FRMD4B: variants seen among roughly 807,000 people sequenced by gnomAD.
FRMD4B encodes the protein FERM domain-containing protein 4B.
A neutral mutation model predicts 141.5 loss-of-function variants in FRMD4B; 74 were observed. The observed-to-expected ratio is 0.52, with a 90% CI of 0.43 to 0.63. FRMD4B has a LOEUF of 0.63. Among genes scored for constraint, FRMD4B ranks in the 30% least tolerant of loss-of-function variants. FRMD4B has a pLI of 0.00. For synonymous variants in FRMD4B, 506 were observed against 467.9 expected (o/e 1.08, Z -1.05); for missense variants, 1,366 against 1,253.4 (o/e 1.09, Z -1.36).
At chr3:69,458,998 C>T (rs1427748068) in intron 1 of FRMD4B, among the ~76,000 whole-genome samples, 2 of 152,148 alleles carry the variant, frequency 1.3e-5, no homozygotes, top group Non-Finnish European at 2.9e-5. Flanking sequence ...AGAATCTGAT[C>T]CTTACAAACC....
intron 5 of FRMD4B, among the ~76,000 whole-genome samples, chr3:69,276,057 A>G (rs561477198): frequency 1.3e-5 from 2 of 152,324 alleles, no homozygotes; most frequent in East Asian, 3.9e-4. Context: ...AAGGAAGGCT[A>G]GCCTATTCTT....
intron 1 of FRMD4B, among the ~76,000 whole-genome samples, chr3:69,462,186 G>A (rs1390446608): frequency 6.6e-6 from 1 of 152,178 alleles, no homozygotes; most frequent in East Asian, 1.9e-4. Flanking sequence ...TTCGTGAACA[G>A]TAACCAGAGC....
chr3:69,176,533 G>T lies in FRMD4B; in HGVS notation c.2975C>A (p.Ser992Tyr). 6.2e-7 allele frequency: 1 copy of T among 1,611,726 alleles called. No homozygotes were observed. Among genetic ancestry groups the T allele is most frequent in the Non-Finnish European group, 8.5e-7 (1 of 1,178,086 alleles). The part of the protein sequence containing the change: ...CYGNVYNPLP[S>Y]PSRQYTEISQ... ...AGCATTGCTTCCTCACCTGCTTGGA[G>T]AGGGTAAAGGATTATAGACATTGCC... The change falls in exon 22 of 23, where the codon TCT (serine) becomes TAT (tyrosine). Residue 992 changes from serine to tyrosine, a missense_variant. Physicochemically the swap from Ser to Tyr is moderately radical, Grantham distance 144 (BLOSUM62 -2). Transcript: ENST00000398540.
intron 3 of FRMD4B, among the ~76,000 whole-genome samples, chr3:69,304,932 A>G (rs1376093712): frequency 1.3e-5 from 2 of 152,256 alleles, no homozygotes; most frequent in Non-Finnish European, 2.9e-5. Context: ...TGTATTCATT[A>G]TAAGTAGACA....
chr3:69,403,224 A>C (rs1704595591), intron 2 of FRMD4B, among the ~76,000 whole-genome samples: 1 of 152,226 alleles, frequency 6.6e-6, no homozygotes, highest in African/African-American at 2.4e-5. Context: ...AAAAGAAAAA[A>C]AATCATTCCT....
At chr3:69,345,272 G>A (rs1396372768) in intron 1 of FRMD4B, among the ~76,000 whole-genome samples, 2 of 152,210 alleles carry the variant, frequency 1.3e-5, no homozygotes, top group African/African-American at 4.8e-5. Context: ...ACTGCAAGGA[G>A]GCAGTGAGGC....
chr3:69,537,333 G>GA (rs1222367814), intron 1 of FRMD4B, among the ~76,000 whole-genome samples: 2 of 152,122 alleles, frequency 1.3e-5, no homozygotes, highest in Non-Finnish European at 2.9e-5. Context: ...CATCTCTAAG[G>GA]AAAAAATAAC....
chr3:69,458,828 C>T (rs927114387), intron 1 of FRMD4B, among the ~76,000 whole-genome samples: 2 of 140,476 alleles, frequency 1.4e-5, no homozygotes, highest in Non-Finnish European at 3.0e-5. Context: ...AACAGTCTAA[C>T]CTTGAAGCTG....
chr3:69,525,898 A>C (rs1317593282), intron 1 of FRMD4B, among the ~76,000 whole-genome samples: 1 of 151,926 alleles, frequency 6.6e-6, no homozygotes, highest in South Asian at 2.1e-4. Flanking sequence ...GGCTCAATCA[A>C]TCTGCCTGTC....
At chr3:69,201,260 C>T (rs1329259570) in intron 11 of FRMD4B, among the ~76,000 whole-genome samples, 1 of 151,696 alleles carries the variant, frequency 6.6e-6, no homozygotes, top group Non-Finnish European at 1.5e-5. Flanking sequence ...TCAGTGATTA[C>T]TTCTGGGGGC....
intron 1 of FRMD4B, chr3:69,353,731 C>T (rs1407137532): frequency 1.0e-6 from 1 of 982,714 alleles, no homozygotes; most frequent in African/African-American, 1.7e-5. Context: ...CGACGCCTTC[C>T]GCTGCCATAT....
At chr3:69,504,180 T>G (rs1055985157) in intron 1 of FRMD4B, among the ~76,000 whole-genome samples, 5 of 152,238 alleles carry the variant, frequency 3.3e-5, no homozygotes, top group African/African-American at 1.2e-4. Context: ...GGGTCTCTTT[T>G]TAATGGCAGT....
intron 7 of FRMD4B, chr3:69,228,592 TG>T: frequency 2.4e-6 from 1 of 415,612 alleles, no homozygotes. Context: ...CCCAACACTT[TG>T]GGAGACTGAG....
At chr3:69,197,245 G>A (rs1208925105) in intron 12 of FRMD4B, among the ~76,000 whole-genome samples, 1 of 152,074 alleles carries the variant, frequency 6.6e-6, no homozygotes, top group Non-Finnish European at 1.5e-5. Context: ...TGGATAAACA[G>A]CATGTTTAAA....
At position 69,168,823 on chromosome 3, in the gene FRMD4B, G is replaced by A. The variant is rs1013831116; in HGVS notation, c.*3038C>T. On this transcript the variant is annotated 3_prime_UTR_variant, in exon 23 of 23. Coordinates refer to ENST00000398540, the MANE Select transcript of FRMD4B (RefSeq NM_015123.3). ...AATCTTTATTTCTTGTAATATTTAA[G>A]CTTTTGTGAGTACAAGGAAGAATTT... Among the ~76,000 whole-genome samples, 1 of 152,002 alleles carries A rather than the reference G, an allele frequency of 6.6e-6. No homozygotes were observed. The highest frequency in any genetic ancestry group is 1.5e-5 in the Non-Finnish European group (1 of 68,004).
intron 7 of FRMD4B, among the ~76,000 whole-genome samples, chr3:69,236,229 T>G (rs1022671308): frequency 7.5e-6 from 1 of 133,366 alleles, no homozygotes; most frequent in Admixed American, 7.5e-5. Context: ...ATTGTTTTGG[T>G]TTTTTTTTTT....
intron 5 of FRMD4B, 140 bp from the exon 6 acceptor site, chr3:69,250,239 T>G: frequency 8.3e-6 from 6 of 721,810 alleles, no homozygotes; most frequent in Admixed American, 5.5e-5. Context: ...CAGGGGAAAG[T>G]GGGGGGTGTG....
At chr3:69,293,692 C>T (rs553492123) in intron 4 of FRMD4B, among the ~76,000 whole-genome samples, 1 of 151,900 alleles carries the variant, frequency 6.6e-6, no homozygotes, top group South Asian at 2.1e-4. Context: ...ACCAGCCTGG[C>T]CATCATGGTA....
At chr3:69,240,032 C>T (rs746588186) in intron 7 of FRMD4B, among the ~76,000 whole-genome samples, 1 of 150,652 alleles carries the variant, frequency 6.6e-6, no homozygotes, top group African/African-American at 2.4e-5. Context: ...CCAGCCTGGG[C>T]GACAGAGCAA....
Sources: gnomAD v4.1 joint callset for allele counts (sites outside exome capture counted in the v4.1 genomes callset) on GRCh38, gnomAD v4.1.1 for gene constraint, MANE v1.5 for transcripts, NCBI Gene and HGNC (gene_info 2026-07-23, HGNC 2026-07-21) for gene names.